Variants in CSMD2 observed in about 807,000 individuals in gnomAD.
The protein encoded by CSMD2 is CUB and sushi domain-containing protein 2.
In CSMD2, 130 loss-of-function variants were observed where a neutral mutation model predicts 398.5. That is an observed-to-expected ratio of 0.33 (90% CI 0.28 to 0.38). CSMD2 has a LOEUF of 0.38. CSMD2 is among the 10% of genes least tolerant of loss of function. The probability of loss-of-function intolerance (pLI) is 1.00; values close to 1 mark genes in which losing one functional copy is unlikely to be tolerated. For missense variants in CSMD2, 3,829 were observed against 4,764.9 expected (o/e 0.80, Z 5.78); for synonymous variants, 1,828 against 1,908.5 (o/e 0.96, Z 1.10).
At chr1:34,019,651 G>T (rs1648608905) in intron 3 of CSMD2, among the ~76,000 whole-genome samples, 1 of 152,122 alleles carries the variant, frequency 6.6e-6, no homozygotes, top group African/African-American at 2.4e-5. Flanking sequence ...CTTCCCCGCA[G>T]TCTGCCCCTG....
At chr1:33,910,788 G>A (rs1643407788) in intron 5 of CSMD2, among the ~76,000 whole-genome samples, 1 of 152,230 alleles carries the variant, frequency 6.6e-6, no homozygotes, top group African/African-American at 2.4e-5. Flanking sequence ...ACACAAGAGA[G>A]CAAAGCCTTG....
intron 64 of CSMD2, among the ~76,000 whole-genome samples, chr1:33,530,492 G>A (rs1655138850): frequency 6.6e-6 from 1 of 152,166 alleles, no homozygotes. Context: ...CACATTGTTA[G>A]TGGGAATTTA....
intron 38 of CSMD2, among the ~76,000 whole-genome samples, 172 bp from the exon 39 acceptor site, chr1:33,617,147 G>A (rs1641446145): frequency 1.3e-5 from 2 of 152,196 alleles, no homozygotes; most frequent in South Asian, 4.1e-4. Context: ...AGAGAATTTG[G>A]GGAAGGACAA....
intron 12 of CSMD2, among the ~76,000 whole-genome samples, chr1:33,774,550 G>C (rs1253887817): frequency 6.6e-6 from 1 of 152,162 alleles, no homozygotes. Flanking sequence ...TGTGAGGGCT[G>C]TCACTGCAGG....
At chr1:33,571,465 C>T in intron 51 of CSMD2, 67 bp downstream of exon 51, 1 of 1,263,056 alleles carries the variant, frequency 7.9e-7, no homozygotes, top group Non-Finnish European at 1.0e-6. Flanking sequence ...CAGTTCACTC[C>T]ATGCATGAGA....
intron 1 of CSMD2, among the ~76,000 whole-genome samples, chr1:34,113,388 C>T (rs1316082357): frequency 6.6e-6 from 1 of 152,216 alleles, no homozygotes; most frequent in Non-Finnish European, 1.5e-5. Context: ...ACATGTCTAA[C>T]CTTGAAATGG....
intron 25 of CSMD2, among the ~76,000 whole-genome samples, chr1:33,686,557 G>A (rs888254100): frequency 1.3e-5 from 2 of 152,202 alleles, no homozygotes; most frequent in African/African-American, 4.8e-5. Context: ...TTCCAGCTTG[G>A]ACCACACCCA....
chr1:33,542,717 C>A lies in CSMD2; in HGVS notation c.9277+3G>T. 1 of 1,612,458 alleles carries A rather than the reference C, an allele frequency of 6.2e-7. No homozygotes were observed. Among genetic ancestry groups the A allele is most frequent in the South Asian group, 1.1e-5 (1 of 90,748 alleles). On this transcript the variant is annotated splice_donor_region_variant and intron_variant, in intron 58 of 70. Transcript: ENST00000373381. ...ATGGAACCCGTAGGGCCTGAGCTCTCACCGAGGCACTCAGGGTCACTGCCT... is the reference window on the plus strand; with the variant it reads ...ATGGAACCCGTAGGGCCTGAGCTCTAACCGAGGCACTCAGGGTCACTGCCT...
intron 51 of CSMD2, among the ~76,000 whole-genome samples, chr1:33,569,977 T>G (rs1338426129): frequency 6.6e-6 from 1 of 152,212 alleles, no homozygotes; most frequent in African/African-American, 2.4e-5. Flanking sequence ...AACAGAGCAC[T>G]GCTGAGAGCC....
intron 10 of CSMD2, among the ~76,000 whole-genome samples, chr1:33,806,920 A>G (rs998171186): frequency 6.6e-6 from 1 of 152,206 alleles, no homozygotes; most frequent in African/African-American, 2.4e-5. Context: ...AGTCTTCTAG[A>G]AGAAGAAAAA....
At chr1:34,142,815 G>A (rs1200713292) in intron 1 of CSMD2, among the ~76,000 whole-genome samples, 1 of 152,168 alleles carries the variant, frequency 6.6e-6, no homozygotes, top group Non-Finnish European at 1.5e-5. Flanking sequence ...ATTAGATGGT[G>A]TATACAAAAT....
chr1:33,531,751 G>A (rs959868230), intron 64 of CSMD2, among the ~76,000 whole-genome samples: 2 of 152,178 alleles, frequency 1.3e-5, no homozygotes, highest in Non-Finnish European at 2.9e-5. Flanking sequence ...CTAACATGAG[G>A]TACTTAGAAT....
chr1:33,961,175 C>T (rs1009302571), intron 3 of CSMD2, among the ~76,000 whole-genome samples: 1 of 152,256 alleles, frequency 6.6e-6, no homozygotes, highest in African/African-American at 2.4e-5. Flanking sequence ...CCTGGTCTCA[C>T]CATTGCCCCA....
intron 1 of CSMD2, among the ~76,000 whole-genome samples, chr1:34,132,966 C>CCT (rs1638297045): frequency 6.9e-6 from 1 of 144,398 alleles, no homozygotes; most frequent in African/African-American, 2.5e-5. Flanking sequence ...ACACACACAC[C>CCT]TTTTTTTTTT....
At chr1:33,771,565 A>G (rs1651269958) in intron 13 of CSMD2, among the ~76,000 whole-genome samples, 1 of 151,986 alleles carries the variant, frequency 6.6e-6, no homozygotes, top group East Asian at 1.9e-4. Context: ...TTTTCATTTA[A>G]AAAGTATCAT....
rs145944974 is a variant in CSMD2 at position 33,955,719 on chromosome 1, C to T, written c.518-19765G>A. 1.5e-4 allele frequency among the ~76,000 whole-genome samples: 22 copies of T among 151,000 alleles called. No individual in the cohort carries two copies. In the East Asian group the frequency reaches 3.5e-3, roughly 24 times the overall value. On this transcript the variant is annotated intron_variant, in intron 3 of 70. Coordinates refer to ENST00000373381, the MANE Select transcript of CSMD2 (RefSeq NM_001281956.2). ...TGATATGCCAGTGTGTGGAAGCTGA[C>T]TTTGTGTCACCCTGATCATCACCAC...
intron 5 of CSMD2, among the ~76,000 whole-genome samples, chr1:33,911,534 C>T (rs142510547): frequency 1.7e-3 from 253 of 152,012 alleles, no homozygotes; most frequent in Middle Eastern, 0.01. Context: ...TGTATCGCCA[C>T]CTACAAAAAC....
intron 56 of CSMD2, among the ~76,000 whole-genome samples, chr1:33,547,676 A>C (rs1657040724): frequency 6.6e-6 from 1 of 152,250 alleles, no homozygotes; most frequent in Non-Finnish European, 1.5e-5. Flanking sequence ...CCTTCAATGT[A>C]AACATTAATA....
chr1:33,924,332 C>T (rs1485200189), intron 4 of CSMD2, among the ~76,000 whole-genome samples: 1 of 152,144 alleles, frequency 6.6e-6, no homozygotes, highest in Non-Finnish European at 1.5e-5. Context: ...TGCCACTGCA[C>T]CTAGCTAATT....
Sources: allele counts gnomAD v4.1 joint callset (sites outside exome capture counted in the v4.1 genomes callset), GRCh38; gene constraint gnomAD v4.1.1; transcripts MANE v1.5; gene names NCBI Gene and HGNC (gene_info 2026-07-23, HGNC 2026-07-21).